RSPH9: variants seen among roughly 807,000 people sequenced by gnomAD.
RSPH9 encodes radial spoke head protein 9 homolog.
A neutral mutation model predicts 27.0 loss-of-function variants in RSPH9; 27 were observed. That is an observed-to-expected ratio of 1.00 (90% confidence interval 0.74 to 1.38). The LOEUF (loss-of-function observed/expected upper bound fraction) is 1.38. Among genes scored for constraint, RSPH9 ranks in the 40% most tolerant of loss-of-function variants. RSPH9 has a pLI of 0.00. For missense variants in RSPH9, 347 were observed against 357.4 expected (o/e 0.97, Z 0.24); for synonymous variants, 145 against 147.7 (o/e 0.98, Z 0.13).
chr6:43,656,221 G>A (rs79193988), intron 3 of RSPH9, among the ~76,000 whole-genome samples: 16,985 of 152,042 alleles, frequency 0.11, 1,770 homozygotes, highest in African/African-American at 0.28. Context: ...GAGTAGCTGG[G>A]ATTACAGACA....
chr6:43,668,735 G>A (rs1393244212), intron 4 of RSPH9, among the ~76,000 whole-genome samples: 1 of 152,196 alleles, frequency 6.6e-6, no homozygotes, highest in Admixed American at 6.5e-5. Flanking sequence ...TTTTCTCCAG[G>A]GCAGCACCTA....
Position 43,671,642 on chromosome 6 carries a change from G to A in RSPH9, c.*693G>A. 1 of 1,197,068 alleles carries A rather than the reference G, an allele frequency of 8.4e-7. No homozygotes were observed. The highest frequency in any genetic ancestry group is 2.3e-5 in the East Asian group (1 of 42,594). The allele number at this position is 1,197,068 out of a possible 1,614,324, so 74.2% of individuals were successfully genotyped here. On this transcript the variant is annotated 3_prime_UTR_variant, in exon 5 of 5. Coordinates refer to ENST00000372163, the MANE Select transcript of RSPH9 (RefSeq NM_152732.5). Reference sequence around the variant, plus strand: ...CCACTGTCCCCTGTCCATGCATGTTGGAGGGACCAGGCCATCGTGGTGGGG... The same window carrying A: ...CCACTGTCCCCTGTCCATGCATGTTAGAGGGACCAGGCCATCGTGGTGGGG...
intron 1 of RSPH9, 41 bp from the exon 2 acceptor site, chr6:43,650,334 A>G (rs1771315369): frequency 2.5e-6 from 4 of 1,610,300 alleles, no homozygotes; most frequent in Middle Eastern, 2.2e-4. Flanking sequence ...GTGGGTGAGA[A>G]GGGAGTTGGA....
chr6:43,661,381 C>T (rs540869033), intron 4 of RSPH9, among the ~76,000 whole-genome samples: 3 of 152,286 alleles, frequency 2.0e-5, no homozygotes, highest in South Asian at 2.1e-4. Context: ...AGATGTTTGG[C>T]TGGGTGCGGT....
Position 43,656,643 on chromosome 6 carries a change from A to C in RSPH9, c.590A>C (p.Lys197Thr). The change falls in exon 4 of 5, where the codon AAG becomes ACG. Residue 197 changes from lysine (K) to threonine (T), a missense_variant. By Grantham distance (78) the Lys-to-Thr change is moderately conservative. Transcript: ENST00000372163. ...CATTTCAGGGAGCCTGTTGAGCTAA[A>C]GAATAAGACCTTGCTTGAGAAGGCT... ...YFHFREPVELKNKTLLEKADL... is the reference protein window; with the variant it reads ...YFHFREPVELTNKTLLEKADL... 1 of 1,614,182 alleles carries C rather than the reference A, an allele frequency of 6.2e-7. No homozygotes were observed. The highest frequency in any genetic ancestry group is 8.5e-7 in the Non-Finnish European group (1 of 1,179,982).
chr6:43,645,129 G>A lies in RSPH9; in HGVS notation c.31G>A (p.Glu11Lys), dbSNP rs946497085. 6 of 1,612,866 alleles carry A rather than the reference G, an allele frequency of 3.7e-6. No homozygotes were observed. The highest frequency in any genetic ancestry group is 1.7e-5 in the Admixed American group (1 of 60,002). ...CGCCGACAGCCTCCTGCTGTCTCTG[G>A]AGCTGGCGTCCGGCAGTGGGCAGGG... MDADSLLLSL[E>K]LASGSGQGLS... The change falls in exon 1 of 5, where the codon GAG (glutamate) becomes AAG (lysine). Residue 11 changes from glutamate to lysine, a missense_variant. Transcript: ENST00000372163.
At chr6:43,648,336 G>C (rs565545433) in intron 1 of RSPH9, among the ~76,000 whole-genome samples, 1 of 152,162 alleles carries the variant, frequency 6.6e-6, no homozygotes, top group Non-Finnish European at 1.5e-5. Flanking sequence ...TAGCCTCTTT[G>C]ATAAGGTCAC....
rs1475236355 is a variant in RSPH9, at chr6:43,650,561, G to C, written c.393+21G>C. ...TAGTGGTGAGTGAAGAGGAGAGCAG[G>C]AGGAGGGCCTAAAAGAGAGCCTGGG... is the stretch of plus-strand genomic sequence containing the variant. On this transcript the variant is annotated intron_variant, in intron 2 of 4. Transcript: ENST00000372163. The C allele has an allele frequency of 1.1e-5, 18 of 1,613,596 alleles. 1 individual carries two copies. The South Asian group carries it at 2.0e-4, about 18-fold the overall frequency.
chr6:43,645,367 CTGGAGGCAGGGCGGGGTGGGCGGGT>C, intron 1 of RSPH9, 42 bp downstream of exon 1: 11 of 235,324 alleles, frequency 4.7e-5, no homozygotes, highest in Non-Finnish European at 7.3e-5. Flanking sequence ...GGGTGGCTAC[CTGGAGGCAGGGCGGGGTGGGCGGGT>C]CGCAGCAATT....
rs150609974 is a variant in RSPH9 at position 43,668,793 on chromosome 6, G to A, written c.671-1996G>A. ...CCTCCCTCAGTAGGCAGATAGAGAT[G>A]AGGCAGTCTGGTCTTAGTTCAAGGG... On this transcript the variant is annotated intron_variant, in intron 4 of 4. Coordinates refer to ENST00000372163, the MANE Select transcript of RSPH9 (RefSeq NM_152732.5). Among the ~76,000 whole-genome samples, 10 of 152,354 alleles carry A rather than the reference G, an allele frequency of 6.6e-5. No individual in the cohort carries two copies. The East Asian group carries it at 1.9e-3, about 29-fold the overall frequency.
At chr6:43,668,457 G>A (rs563690614) in intron 4 of RSPH9, among the ~76,000 whole-genome samples, 1 of 152,244 alleles carries the variant, frequency 6.6e-6, no homozygotes, top group South Asian at 2.1e-4. Flanking sequence ...ACTGCCCCCT[G>A]CCAGGCGGGG....
Position 43,645,287 on chromosome 6 carries a change from G to A in RSPH9, c.189G>A (p.Leu63=). 6.2e-7 allele frequency: 1 copy of A among 1,612,752 alleles called. No homozygotes were observed. The highest frequency in any genetic ancestry group is 8.5e-7 in the Non-Finnish European group (1 of 1,179,186). Residue 63 remains leucine (L), a synonymous_variant, in exon 1 of 5, where the codon CTG becomes CTA. Transcript: ENST00000372163. ...CCGATTACTACATCGCGCAGGGCCT[G>A]AGTGAGGACCAGCTCGCACCGCGCA... is the stretch of plus-strand genomic sequence containing the variant. ...LVADYYIAQG[L]SEDQLAPRKT...
intron 4 of RSPH9, among the ~76,000 whole-genome samples, chr6:43,665,927 G>GT (rs1262664445): frequency 4.6e-5 from 7 of 152,084 alleles, no homozygotes; most frequent in African/African-American, 1.7e-4. Flanking sequence ...CCAGGATTAA[G>GT]TGATCCTCCT....
At chr6:43,657,960 T>G (rs773732320) in intron 4 of RSPH9, among the ~76,000 whole-genome samples, 2 of 152,124 alleles carry the variant, frequency 1.3e-5, no homozygotes, top group African/African-American at 4.8e-5. Context: ...AAAATGCTTA[T>G]AACAGTGCCT....
chr6:43,655,129 T>C (rs925708190), intron 2 of RSPH9, among the ~76,000 whole-genome samples: 4 of 152,246 alleles, frequency 2.6e-5, no homozygotes, highest in Non-Finnish European at 4.4e-5. Context: ...TTATCTTTGG[T>C]ATGTCTTTCT....
In RSPH9 at chr6:43,652,730, G is replaced by GTT. The variant is rs60114676; in HGVS notation, c.393+2206_393+2207dup. On this transcript the variant is annotated intron_variant, in intron 2 of 4. Transcript: ENST00000372163. ...CGTGAGCCACCATGCCCAACTTCCG[G>GTT]TTTTTTTTTTTTTTTTTCACCATTG... is the stretch of plus-strand genomic sequence containing the variant. 1.5e-3 allele frequency among the ~76,000 whole-genome samples: 185 copies of GTT among 126,764 alleles called. 1 individual carries two copies. The highest frequency in any genetic ancestry group is 2.9e-3 in the South Asian group (12 of 4,206). 83.2% of individuals were successfully genotyped at this position (126,764 alleles called of 152,430 possible).
intron 4 of RSPH9, among the ~76,000 whole-genome samples, chr6:43,664,243 GTTTA>G (rs1311817586): frequency 6.6e-6 from 1 of 152,018 alleles, no homozygotes; most frequent in Non-Finnish European, 1.5e-5. Context: ...TTGAGACAGA[GTTTA>G]TTTATTTGAG....
In RSPH9 at chr6:43,672,152, C is replaced by T; in HGVS notation, c.*1203C>T. 1 of 578,320 alleles carries T rather than the reference C, an allele frequency of 1.7e-6. No individual in the cohort carries two copies. The highest frequency in any genetic ancestry group is 3.2e-6 in the Non-Finnish European group (1 of 317,348). The allele number at this position is 578,320 out of a possible 1,614,324, so 35.8% of individuals were successfully genotyped here. On this transcript the variant is annotated 3_prime_UTR_variant, in exon 5 of 5. Coordinates refer to ENST00000372163, the MANE Select transcript of RSPH9 (RefSeq NM_152732.5). The stretch of plus-strand genomic sequence containing the variant: ...TCAGGCAGCCCAGGGCCACAAGCTC[C>T]CTTGATCTTTGTAAATGTCAATGTT...
At chr6:43,661,467 C>T (rs1772607439) in intron 4 of RSPH9, among the ~76,000 whole-genome samples, 1 of 152,062 alleles carries the variant, frequency 6.6e-6, no homozygotes, top group Admixed American at 6.6e-5. Context: ...TTGAGAGCAG[C>T]CTGGCCAATG....
Sources: allele counts gnomAD v4.1 joint callset (sites outside exome capture counted in the v4.1 genomes callset), GRCh38; gene constraint gnomAD v4.1.1; transcripts MANE v1.5; gene names NCBI Gene and HGNC (gene_info 2026-07-23, HGNC 2026-07-21).